NUGGC: variants seen among roughly 807,000 people sequenced by gnomAD.
The protein encoded by NUGGC is nuclear GTPase, germinal center associated, also known as nuclear GTPase SLIP-GC.
In NUGGC, 58 loss-of-function variants were observed where a neutral mutation model predicts 92.6. That is an observed-to-expected ratio of 0.63 (90% CI 0.51 to 0.78). NUGGC has a LOEUF of 0.78. NUGGC is among the 30% of genes least tolerant of loss of function. The pLI is 0.00. For missense variants in NUGGC, 925 were observed against 964.6 expected, an observed-to-expected ratio of 0.96 and a Z score of 0.54; for synonymous variants, 376 against 366.4, an observed-to-expected ratio of 1.03 and a Z score of -0.30.
chr8:28,079,160 T>C (rs1391310944), intron 1 of NUGGC, among the ~76,000 whole-genome samples: 2 of 152,192 alleles, frequency 1.3e-5, no homozygotes, highest in East Asian at 1.9e-4. Context: ...TGTGTTTGCT[T>C]ATTGTTTTTT....
At chr8:28,062,951 A>C (rs182369637) in intron 7 of NUGGC, among the ~76,000 whole-genome samples, 2 of 152,348 alleles carry the variant, frequency 1.3e-5, no homozygotes, top group African/African-American at 4.8e-5. Flanking sequence ...ACTTAGGAGT[A>C]GATGAGGTGG....
intron 14 of NUGGC, 82 bp downstream of exon 14, chr8:28,033,458 A>T: frequency 7.4e-7 from 1 of 1,348,180 alleles, no homozygotes; most frequent in Non-Finnish European, 1.0e-6. Context: ...ACACTTACAG[A>T]TCCAAAGTCT....
intron 2 of NUGGC, among the ~76,000 whole-genome samples, chr8:28,070,731 G>A (rs1810570602): frequency 6.6e-6 from 1 of 151,076 alleles, no homozygotes; most frequent in Non-Finnish European, 1.5e-5. Context: ...GAGTACCTGG[G>A]ACTACAGGCA....
chr8:28,046,924 C>T (rs951595786), intron 11 of NUGGC, among the ~76,000 whole-genome samples: 2 of 151,978 alleles, frequency 1.3e-5, no homozygotes, highest in Non-Finnish European at 2.9e-5. Context: ...CCACCTCGAC[C>T]TCCCAAAGTG....
chr8:28,056,073 T>C lies in NUGGC; in HGVS notation c.1117-19A>G, dbSNP rs754756628. 33 of 1,423,570 alleles carry C rather than the reference T, an allele frequency of 2.3e-5. No individual in the cohort carries two copies. The highest frequency in any genetic ancestry group is 3.0e-5 in the Non-Finnish European group (31 of 1,030,980). The allele number at this position is 1,423,570 out of a possible 1,614,324, so 88.2% of individuals were successfully genotyped here. On this transcript the variant is annotated intron_variant, in intron 9 of 18. Coordinates refer to ENST00000413272, the MANE Select transcript of NUGGC (RefSeq NM_001010906.2). ...TAGCTTGCTAGGTTGTGAAAGGAAA[T>C]AGAAGCATGCAGAGAGTAGCGTTAT...
At chr8:28,027,232 G>A (rs187709716) in intron 17 of NUGGC, among the ~76,000 whole-genome samples, 180 bp from the exon 18 acceptor site, 234 of 152,320 alleles carry the variant, frequency 1.5e-3, no homozygotes, top group African/African-American at 5.3e-3. Flanking sequence ...AATGGCCCAG[G>A]AGGCAGCAAG....
intron 6 of NUGGC, among the ~76,000 whole-genome samples, chr8:28,066,966 T>G (rs192472225): frequency 6.4e-4 from 97 of 152,342 alleles, no homozygotes; most frequent in African/African-American, 2.3e-3. Context: ...GTCAGAGGTA[T>G]TTCTGGGAAA....
chr8:28,024,925 C>T (rs943180379), intron 18 of NUGGC, among the ~76,000 whole-genome samples: 1 of 152,192 alleles, frequency 6.6e-6, no homozygotes, highest in African/African-American at 2.4e-5. Context: ...CAGGGCTTTG[C>T]TTAAGTGTCA....
intron 1 of NUGGC, among the ~76,000 whole-genome samples, 192 bp downstream of exon 1, chr8:28,083,583 C>T (rs1042932168): frequency 1.1e-4 from 17 of 152,240 alleles, no homozygotes; most frequent in African/African-American, 3.4e-4. Context: ...GTATCAGTAT[C>T]GGTTCATCAG....
intron 1 of NUGGC, among the ~76,000 whole-genome samples, chr8:28,083,023 A>C (rs2130304876): frequency 6.6e-6 from 1 of 152,370 alleles, no homozygotes; most frequent in East Asian, 1.9e-4. Context: ...AATGTCCCAT[A>C]TACAGAAGAA....
At chr8:28,024,401 G>A (rs778637526) in intron 18 of NUGGC, among the ~76,000 whole-genome samples, 10 of 152,060 alleles carry the variant, frequency 6.6e-5, no homozygotes, top group Admixed American at 5.9e-4. Flanking sequence ...TGCAGGGATG[G>A]CCTCTGGACT....
At chr8:28,024,554 T>C (rs1197049270) in intron 18 of NUGGC, among the ~76,000 whole-genome samples, 8 of 152,164 alleles carry the variant, frequency 5.3e-5, no homozygotes, top group Admixed American at 5.2e-4. Flanking sequence ...ACTGGTTCTG[T>C]TTATCTGGAG....
chr8:28,060,559 C>T lies in NUGGC; in HGVS notation c.964G>A (p.Glu322Lys), dbSNP rs369039725. The change falls in exon 8 of 19, where the codon GAG (glutamate) becomes AAG (lysine). Residue 322 changes from glutamate to lysine, a missense_variant. Transcript: ENST00000413272. ...TGGGCTTGCCCCCCAGAAACTCGCT[C>T]TATGTCGCTGATCACCCAGATCACT... The part of the protein sequence containing the change: ...CSVIWVISDI[E>K]RVSGGQAHED... 6.2e-7 allele frequency: 1 copy of T among 1,613,566 alleles called. No homozygotes were observed. The highest frequency in any genetic ancestry group is 8.5e-7 in the Non-Finnish European group (1 of 1,179,758).
At chr8:28,031,203 G>C (rs749336850) in intron 15 of NUGGC, 40 bp downstream of exon 15, 3 of 1,611,980 alleles carry the variant, frequency 1.9e-6, no homozygotes, top group South Asian at 1.1e-5. Context: ...AGAAAGCCAT[G>C]CCCAACCTCA....
intron 17 of NUGGC, among the ~76,000 whole-genome samples, chr8:28,027,783 T>C (rs1809306364): frequency 6.6e-6 from 1 of 152,166 alleles, no homozygotes; most frequent in Non-Finnish European, 1.5e-5. Context: ...TTCCTCATCT[T>C]TAAGATCAGG....
intron 1 of NUGGC, among the ~76,000 whole-genome samples, chr8:28,078,625 A>G (rs1032715173): frequency 6.6e-5 from 10 of 152,200 alleles, no homozygotes; most frequent in Non-Finnish European, 1.3e-4. Flanking sequence ...TCTGATTTAG[A>G]TGGGTGCTAA....
In NUGGC at chr8:28,023,422, T is replaced by C; in HGVS notation, c.2286A>G (p.Arg762=). 1 of 1,613,980 alleles carries C rather than the reference T, an allele frequency of 6.2e-7. No individual in the cohort carries two copies. The highest frequency in any genetic ancestry group is 8.5e-7 in the Non-Finnish European group (1 of 1,179,886). ...SEYKEMEKLH[R]SLREVAENAR... is the part of the protein sequence containing the mutation. ...CATTCTCCGCGACCTCCCTCAGGCTTCTGTGCAGCTTCTCCATCTCCTTGT... is the reference window on the plus strand; with the variant it reads ...CATTCTCCGCGACCTCCCTCAGGCTCCTGTGCAGCTTCTCCATCTCCTTGT... The change falls in exon 19 of 19, where the codon AGA becomes AGG. Residue 762 remains arginine (R), a synonymous_variant. Coordinates refer to ENST00000413272, the MANE Select transcript of NUGGC (RefSeq NM_001010906.2).
At chr8:28,046,454 C>T (rs762811697) in intron 11 of NUGGC, among the ~76,000 whole-genome samples, 1 of 152,144 alleles carries the variant, frequency 6.6e-6, no homozygotes, top group South Asian at 2.1e-4. Flanking sequence ...GCTCTAGGTT[C>T]CCCGGGCTTC....
At chr8:28,055,185 G>A (rs542287113) in intron 10 of NUGGC, among the ~76,000 whole-genome samples, 2 of 152,086 alleles carry the variant, frequency 1.3e-5, no homozygotes, top group South Asian at 2.1e-4. Flanking sequence ...CCCAGGAGAC[G>A]GAGGTTGCAG....
Sources: allele counts gnomAD v4.1 joint callset (sites outside exome capture counted in the v4.1 genomes callset), GRCh38; gene constraint gnomAD v4.1.1; transcripts MANE v1.5; gene names NCBI Gene and HGNC (gene_info 2026-07-23, HGNC 2026-07-21).